COL23A1: variants seen among roughly 807,000 people sequenced by gnomAD.
COL23A1 encodes collagen type XXIII alpha 1 chain, also known as collagen alpha-1(XXIII) chain.
A neutral mutation model predicts 99.3 loss-of-function variants in COL23A1; 97 were observed. That is an observed-to-expected ratio of 0.98 (90% CI 0.83 to 1.16). The LOEUF (loss-of-function observed/expected upper bound fraction) is 1.16, where lower values mean the gene tolerates loss of function less well. Among genes scored for constraint, COL23A1 ranks in the 50% most tolerant of loss-of-function variants. The pLI, the probability that COL23A1 is intolerant of heterozygous loss-of-function variation, is 0.00. For missense variants in COL23A1, 762 were observed against 757.4 expected, an observed-to-expected ratio of 1.01 and a Z score of -0.07; for synonymous variants, 320 against 308.2, an observed-to-expected ratio of 1.04 and a Z score of -0.40.
At chr5:178,343,628 G>A (rs960818439) in intron 2 of COL23A1, among the ~76,000 whole-genome samples, 8 of 150,786 alleles carry the variant, frequency 5.3e-5, no homozygotes, top group Non-Finnish European at 1.2e-4. Context: ...TGTTCTGCTT[G>A]TGCAAACATC....
At chr5:178,328,244 TC>T (rs1483654665) in intron 2 of COL23A1, among the ~76,000 whole-genome samples, 1 of 151,980 alleles carries the variant, frequency 6.6e-6, no homozygotes, top group Non-Finnish European at 1.5e-5. Flanking sequence ...CTGTTCCTCA[TC>T]CCCCCTGTCC....
At chr5:178,245,583 C>A (rs939468313) in intron 25 of COL23A1, among the ~76,000 whole-genome samples, 1 of 150,366 alleles carries the variant, frequency 6.7e-6, no homozygotes. Flanking sequence ...TCCATCCATT[C>A]ATTCATCCAT....
At position 178,419,831 on chromosome 5, in the gene COL23A1, C is replaced by T. The variant is rs889898929; in HGVS notation, c.362-112912G>A. ...CGGCCATCCTTCAACCACTCATAGA[C>T]CGCTGAGTGTTCAAACTGCGTTCAA... On this transcript the variant is annotated intron_variant, in intron 2 of 28. Transcript: ENST00000390654. Among the ~76,000 whole-genome samples the T allele has an allele frequency of 2.0e-5, 3 of 152,194 alleles. No homozygotes were observed. The South Asian group carries it at 6.2e-4, about 32-fold the overall frequency.
At chr5:178,577,551 G>A (rs1581671639) in intron 1 of COL23A1, among the ~76,000 whole-genome samples, 1 of 152,120 alleles carries the variant, frequency 6.6e-6, no homozygotes, top group African/African-American at 2.4e-5. Flanking sequence ...AGGGCCTGGC[G>A]CGCGGGGCCT....
intron 2 of COL23A1, among the ~76,000 whole-genome samples, chr5:178,532,469 C>A (rs116334166): frequency 6.6e-6 from 1 of 152,290 alleles, no homozygotes; most frequent in African/African-American, 2.4e-5. Flanking sequence ...CTCAGCCGAG[C>A]CCCGAGAAGA....
At chr5:178,478,802 TCTG>T (rs1251840827) in intron 2 of COL23A1, among the ~76,000 whole-genome samples, 1 of 152,142 alleles carries the variant, frequency 6.6e-6, no homozygotes, top group Non-Finnish European at 1.5e-5. Flanking sequence ...ACCAGAGCCT[TCTG>T]GGTGCCCTCT....
rs369728368 is a variant in COL23A1, at chr5:178,249,109, C to T, written c.1149+8G>A. The stretch of plus-strand genomic sequence containing the variant: ...AGGCGTAATGTGTGGCCCAACCCAG[C>T]CACATACCGGGAGGCCGGACAAGCC... On this transcript the variant is annotated splice_region_variant and intron_variant, in intron 19 of 28. Transcript: ENST00000390654. The T allele has an allele frequency of 6.2e-7, 1 of 1,613,956 alleles. No individual in the cohort carries two copies. The highest frequency in any genetic ancestry group is 1.7e-5 in the Admixed American group (1 of 60,022).
intron 2 of COL23A1, among the ~76,000 whole-genome samples, chr5:178,530,748 C>T (rs577437036): frequency 4.1e-4 from 62 of 152,312 alleles, no homozygotes; most frequent in African/African-American, 1.1e-3. Flanking sequence ...GGTGAGTGAG[C>T]GAGCCTTCAG....
chr5:178,367,494 G>A (rs1328599860), intron 2 of COL23A1, among the ~76,000 whole-genome samples: 1 of 152,146 alleles, frequency 6.6e-6, no homozygotes, highest in East Asian at 1.9e-4. Context: ...GGTAGACTGG[G>A]GCTTCCCTTG....
chr5:178,451,909 C>T (rs1425946286), intron 2 of COL23A1, among the ~76,000 whole-genome samples: 2 of 151,956 alleles, frequency 1.3e-5, no homozygotes, highest in African/African-American at 4.8e-5. Flanking sequence ...TCACGTTTTT[C>T]AGTAGGAAAC....
intron 2 of COL23A1, among the ~76,000 whole-genome samples, chr5:178,358,044 A>ATG (rs200175665): frequency 0.064 from 8,232 of 129,044 alleles, 470 homozygotes; most frequent in Middle Eastern, 0.19. Context: ...GTGTATGTGT[A>ATG]TGTATGTCTA....
intron 2 of COL23A1, among the ~76,000 whole-genome samples, chr5:178,542,010 G>A (rs1290755595): frequency 1.3e-5 from 2 of 152,166 alleles, no homozygotes; most frequent in Non-Finnish European, 2.9e-5. Context: ...GCTCTTGCTT[G>A]TAGCAGGTTA....
chr5:178,480,138 T>C (rs1437339397), intron 2 of COL23A1, among the ~76,000 whole-genome samples: 3 of 150,192 alleles, frequency 2.0e-5, no homozygotes, highest in Middle Eastern at 3.4e-3. Context: ...TGCATGATTG[T>C]ACTCCAGAAA....
chr5:178,313,358 T>G lies in COL23A1; in HGVS notation c.362-6439A>C, dbSNP rs72820905. 0.083 allele frequency among the ~76,000 whole-genome samples: 12,609 copies of G among 152,266 alleles called. 553 individuals are homozygous for G. Among genetic ancestry groups the G allele is most frequent in the Middle Eastern group, 0.15 (44 of 294 alleles). On this transcript the variant is annotated intron_variant, in intron 2 of 28. Transcript: ENST00000390654. This position sits in a 1 kb window ranked among gnomAD's most constrained non-coding sequence, Gnocchi z 4.2. ...GGTTAAGACGGGAAATGTTATGGTA[T>G]GTGTATTTTATCACAATTAAAGAAA... is the stretch of plus-strand genomic sequence containing the variant.
chr5:178,493,255 T>A (rs1334593263), intron 2 of COL23A1, among the ~76,000 whole-genome samples: 3 of 152,144 alleles, frequency 2.0e-5, no homozygotes, highest in African/African-American at 7.2e-5. Context: ...CCATTCCTTA[T>A]CTATCTGTGG....
At chr5:178,352,822 T>C (rs1761404144) in intron 2 of COL23A1, among the ~76,000 whole-genome samples, 2 of 152,214 alleles carry the variant, frequency 1.3e-5, no homozygotes, top group African/African-American at 2.4e-5. Flanking sequence ...CTCACACTTG[T>C]GTAGAACCAG....
Position 178,340,042 on chromosome 5 carries a change from A to T in COL23A1, c.362-33123T>A, listed in dbSNP as rs1001224919. On this transcript the variant is annotated intron_variant, in intron 2 of 28. Coordinates refer to ENST00000390654, the MANE Select transcript of COL23A1 (RefSeq NM_173465.4). This position sits in a 1 kb window ranked among gnomAD's most constrained non-coding sequence, Gnocchi z 4.7. The stretch of plus-strand genomic sequence containing the variant: ...GGGGGATGAAGAGATGAGTAGAGGG[A>T]TGAGGGGTCGATGAATGGATGGACG... 6.6e-6 allele frequency among the ~76,000 whole-genome samples: 1 copy of T among 152,028 alleles called. No homozygotes were observed. The highest frequency in any genetic ancestry group is 2.4e-5 in the African/African-American group (1 of 41,400).
At chr5:178,272,379 C>T (rs13436574) in intron 5 of COL23A1, among the ~76,000 whole-genome samples, 3 of 152,190 alleles carry the variant, frequency 2.0e-5, no homozygotes, top group African/African-American at 4.8e-5. Flanking sequence ...GTGGGGCTCG[C>T]GGCCAGGGCC....
intron 5 of COL23A1, among the ~76,000 whole-genome samples, chr5:178,283,807 T>A (rs1757022152): frequency 6.6e-6 from 1 of 152,222 alleles, no homozygotes; most frequent in Non-Finnish European, 1.5e-5. Flanking sequence ...GATGCCACAG[T>A]TTAGAGAGGA....
Sources: allele counts gnomAD v4.1 joint callset (sites outside exome capture counted in the v4.1 genomes callset), GRCh38; gene constraint gnomAD v4.1.1; non-coding constraint Gnocchi (gnomAD v3.1); transcripts MANE v1.5; gene names NCBI Gene and HGNC (gene_info 2026-07-23, HGNC 2026-07-21).